The following CUX1 variants were observed in gnomAD, a reference collection of about 807,000 sequenced individuals.
CUX1 encodes the protein protein CASP.
CUX1 carries 31 observed loss-of-function variants against 158.8 expected under a neutral mutation model. The observed-to-expected ratio is 0.20, with a 90% confidence interval of 0.15 to 0.26. The LOEUF (loss-of-function observed/expected upper bound fraction) is 0.26, where lower values mean the gene tolerates loss of function less well. CUX1 is among the 10% of genes least tolerant of loss of function. The probability of loss-of-function intolerance (pLI) is 1.00; values close to 1 mark genes in which losing one functional copy is unlikely to be tolerated. For missense variants in CUX1, 1,589 were observed against 2,014.6 expected (o/e 0.79, Z 4.04); for synonymous variants, 879 against 862.1 (o/e 1.02, Z -0.34).
In CUX1 at chr7:102,111,586, G is replaced by A. The variant is rs532550698; in HGVS notation, c.531-112G>A. On this transcript the variant is annotated intron_variant, in intron 6 of 23. Transcript: ENST00000292535. The stretch of plus-strand genomic sequence containing the variant: ...GTCGTTGCGGGCGATACCCCGTGGT[G>A]CGCCTGCCGCCAGCTGAGCGCAGGG... 4.4e-5 allele frequency: 42 copies of A among 961,412 alleles called. No individual in the cohort carries two copies. In the African/African-American group the frequency reaches 6.6e-4, roughly 15 times the overall value. The allele number at this position is 961,412 out of a possible 1,614,324, so 59.6% of individuals were successfully genotyped here.
chr7:102,082,476 G>A lies in CUX1; in HGVS notation c.268+12059G>A, dbSNP rs546567988. ...AGGAGGTACAGTGAGCCAAGATCGC[G>A]CCACTGCACTCCAGCCTGGGCAACA... is the stretch of plus-strand genomic sequence containing the variant. On this transcript the variant is annotated intron_variant, in intron 4 of 23. Coordinates refer to ENST00000292535, the MANE Select transcript of CUX1 (RefSeq NM_181552.4). 6.1e-5 allele frequency among the ~76,000 whole-genome samples: 9 copies of A among 147,222 alleles called. 1 individual carries two copies. The highest frequency in any genetic ancestry group is 2.2e-4 in the South Asian group (1 of 4,558).
chr7:102,241,389 CACGATA>C (rs1188788555), intron 23 of CUX1, among the ~76,000 whole-genome samples: 2 of 152,158 alleles, frequency 1.3e-5, no homozygotes, highest in African/African-American at 4.8e-5. Flanking sequence ...GTCCCTAGGG[CACGATA>C]ACATTGGGGT....
At chr7:102,218,217 A>C (rs1797443675) in intron 20 of CUX1, among the ~76,000 whole-genome samples, 1 of 152,204 alleles carries the variant, frequency 6.6e-6, no homozygotes, top group Non-Finnish European at 1.5e-5. Flanking sequence ...TTTGGTTACA[A>C]GATGTGGGGG....
intron 2 of CUX1, among the ~76,000 whole-genome samples, chr7:102,011,623 T>C (rs2129297085): frequency 6.6e-6 from 1 of 151,860 alleles, no homozygotes; most frequent in South Asian, 2.1e-4. Flanking sequence ...TCAGGTGACC[T>C]GCCCACCTTG....
At chr7:102,230,936 C>T (rs1334783455) in intron 21 of CUX1, among the ~76,000 whole-genome samples, 1 of 152,030 alleles carries the variant, frequency 6.6e-6, no homozygotes, top group Non-Finnish European at 1.5e-5. Flanking sequence ...TCATAGCTTA[C>T]TGCAGCCTTG....
intron 2 of CUX1, among the ~76,000 whole-genome samples, chr7:101,981,567 G>A (rs948723119): frequency 1.3e-5 from 2 of 152,000 alleles, no homozygotes; most frequent in African/African-American, 4.8e-5. Flanking sequence ...GCATTCCCCA[G>A]TGGTGTTTGA....
intron 23 of CUX1, among the ~76,000 whole-genome samples, chr7:102,247,222 A>G (rs1444251503): frequency 4.6e-5 from 7 of 151,626 alleles, no homozygotes; most frequent in Non-Finnish European, 7.4e-5. Context: ...GAAAAAAAAA[A>G]AAAGAAAGAA....
Position 102,158,623 on chromosome 7 carries a change from G to A in CUX1, c.723+15G>A, listed in dbSNP as rs1217267633. The A allele has an allele frequency of 3.1e-6, 5 of 1,613,532 alleles. No individual in the cohort carries two copies. The highest frequency in any genetic ancestry group is 1.1e-5 in the South Asian group (1 of 91,058). On this transcript the variant is annotated intron_variant, in intron 9 of 23. Transcript: ENST00000292535. ...GGGCAAACCAGGTAGGACCCTGGAC[G>A]CTTTTAGTCCTAAAACCCACAATAG...
intron 14 of CUX1, among the ~76,000 whole-genome samples, chr7:102,263,541 C>T (rs1790571997): frequency 6.6e-6 from 1 of 151,968 alleles, no homozygotes; most frequent in Non-Finnish European, 1.5e-5. Context: ...GTCTCGAACT[C>T]CTGACCTCAG....
Position 102,256,696 on chromosome 7 carries a change from C to G in CUX1, c.*7654C>G. On this transcript the variant is annotated 3_prime_UTR_variant, in exon 24 of 24. Transcript: ENST00000292535. ...GAGCTTCAGAGGAATCTTAGCAAAG[C>G]CAAGTTCAGTTCCCCAAAGCCTCCT... 1 of 985,392 alleles carries G rather than the reference C, an allele frequency of 1.0e-6. No homozygotes were observed. The highest frequency in any genetic ancestry group is 1.1e-4 in the East Asian group (1 of 8,812). 61.0% of individuals were successfully genotyped at this position (985,392 alleles called of 1,614,324 possible). A position where few individuals can be genotyped will look rare whatever the true frequency, so the allele number is the denominator to read the frequency against.
chr7:102,117,462 C>T (rs1831550689), intron 8 of CUX1, among the ~76,000 whole-genome samples: 1 of 145,622 alleles, frequency 6.9e-6, no homozygotes, highest in African/African-American at 2.6e-5. Context: ...TTCCTAGGCT[C>T]ATAGTACCGG....
intron 1 of CUX1, among the ~76,000 whole-genome samples, chr7:101,914,602 G>T (rs1165863135): frequency 6.6e-6 from 1 of 151,556 alleles, no homozygotes. Flanking sequence ...CGGTTCAAGC[G>T]ATTCTCTTGC....
At chr7:102,130,136 A>G (rs1833057806) in intron 8 of CUX1, among the ~76,000 whole-genome samples, 2 of 152,162 alleles carry the variant, frequency 1.3e-5, no homozygotes, top group Non-Finnish European at 2.9e-5. Flanking sequence ...GGGGTGTCTC[A>G]TATTTCCTCG....
chr7:102,214,859 AG>A (rs1796896383), intron 20 of CUX1, among the ~76,000 whole-genome samples: 2 of 152,362 alleles, frequency 1.3e-5, no homozygotes, highest in African/African-American at 4.8e-5. Flanking sequence ...TCCTAAATAT[AG>A]CCCGAGTCTG....
At chr7:101,969,188 A>G (rs1159487004) in intron 2 of CUX1, among the ~76,000 whole-genome samples, 2 of 151,764 alleles carry the variant, frequency 1.3e-5, no homozygotes, top group Non-Finnish European at 2.9e-5. Context: ...GCAAAAAATT[A>G]GCTGAGCGTG....
At position 102,255,931 on chromosome 7, in the gene CUX1, T is replaced by TA. The variant is rs1554541868; in HGVS notation, c.*6896dup. On this transcript the variant is annotated 3_prime_UTR_variant, in exon 24 of 24. Coordinates refer to ENST00000292535, the MANE Select transcript of CUX1 (RefSeq NM_181552.4). ...CAATTGAAATCATTTTTCTTCATTTTAAAAAAATAACGTATTGCACACCAA... is the reference window on the plus strand; with the variant it reads ...CAATTGAAATCATTTTTCTTCATTTTAAAAAAAATAACGTATTGCACACCAA... 2.0e-6 allele frequency: 2 copies of TA among 985,304 alleles called. No homozygotes were observed. Among genetic ancestry groups the TA allele is most frequent in the African/African-American group, 3.5e-5 (2 of 57,248 alleles). The allele number at this position is 985,304 out of a possible 1,614,324, so 61.0% of individuals were successfully genotyped here.
intron 2 of CUX1, among the ~76,000 whole-genome samples, chr7:101,933,320 A>G (rs895082735): frequency 6.6e-6 from 1 of 151,944 alleles, no homozygotes; most frequent in Non-Finnish European, 1.5e-5. Flanking sequence ...GGAGGAGTTT[A>G]AAAAAAATAC....
At chr7:102,055,641 G>T (rs1200954959) in intron 3 of CUX1, among the ~76,000 whole-genome samples, 1 of 152,092 alleles carries the variant, frequency 6.6e-6, no homozygotes, top group Non-Finnish European at 1.5e-5. Flanking sequence ...CTGTCTTTGG[G>T]TTTCCCTATT....
chr7:101,971,246 T>C (rs1811915374), intron 2 of CUX1, among the ~76,000 whole-genome samples: 10 of 152,194 alleles, frequency 6.6e-5, no homozygotes, highest in Admixed American at 6.5e-4. Flanking sequence ...TGGCTGGTTG[T>C]GTTCTGCTCA....
Sources: allele counts gnomAD v4.1 joint callset (sites outside exome capture counted in the v4.1 genomes callset), GRCh38; gene constraint gnomAD v4.1.1; transcripts MANE v1.5; gene names NCBI Gene and HGNC (gene_info 2026-07-23, HGNC 2026-07-21).